The following TAF4B variants were observed in gnomAD, a reference collection of about 807,000 sequenced individuals.
TAF4B encodes the protein transcription initiation factor TFIID subunit 4B.
Under a neutral mutation model 86.4 loss-of-function variants are expected in TAF4B, and 38 were observed. The ratio of observed to expected loss-of-function variants is 0.44; its 90% CI spans 0.34 to 0.58. TAF4B has a LOEUF of 0.58. Ranked by LOEUF, TAF4B falls within the 20% of genes least tolerant of loss-of-function variation. TAF4B has a pLI of 0.02. For synonymous variants in TAF4B, 388 were observed against 391.2 expected, an observed-to-expected ratio of 0.99 and a Z score of 0.10; for missense variants, 988 against 1,027.6, an observed-to-expected ratio of 0.96 and a Z score of 0.53.
chr18:26,312,266 A>G (rs1047817529), intron 9 of TAF4B, among the ~76,000 whole-genome samples: 2 of 152,200 alleles, frequency 1.3e-5, no homozygotes, highest in African/African-American at 4.8e-5. Flanking sequence ...CTGACCTCTT[A>G]TCTAGCCTTA....
intron 1 of TAF4B, among the ~76,000 whole-genome samples, chr18:26,229,955 TAAA>T (rs77834289): frequency 6.7e-5 from 10 of 149,036 alleles, no homozygotes; most frequent in African/African-American, 2.2e-4. Context: ...AGAACTGGTT[TAAA>T]AAAAAAATAT....
chr18:26,389,537 G>A (rs1317460799), intron 14 of TAF4B, among the ~76,000 whole-genome samples: 2 of 152,216 alleles, frequency 1.3e-5, no homozygotes, highest in Admixed American at 1.3e-4. Context: ...GACCTTTAAA[G>A]AGGGAAAGTC....
chr18:26,363,610 G>A (rs1381758971), intron 14 of TAF4B, among the ~76,000 whole-genome samples: 1 of 151,966 alleles, frequency 6.6e-6, no homozygotes, highest in Non-Finnish European at 1.5e-5. Flanking sequence ...TCAATGTTTA[G>A]GTATACTGCT....
At position 26,304,727 on chromosome 18, in the gene TAF4B, G is replaced by A. The variant is rs918014088; in HGVS notation, c.1833-10502G>A. 11 of 985,238 alleles carry A rather than the reference G, an allele frequency of 1.1e-5. No homozygotes were observed. The African/African-American group carries it at 1.6e-4, about 14-fold the overall frequency. The allele number at this position is 985,238 out of a possible 1,614,324, so 61.0% of individuals were successfully genotyped here. ...GCCCTTGAGGCAATTCTTCCTTTAG[G>A]ATATGCTTATTGCTGATTTTTACTG... On this transcript the variant is annotated intron_variant, in intron 9 of 14. Coordinates refer to ENST00000269142, the MANE Select transcript of TAF4B (RefSeq NM_005640.3).
At chr18:26,386,609 CT>C (rs199952139) in intron 14 of TAF4B, among the ~76,000 whole-genome samples, 1 of 152,000 alleles carries the variant, frequency 6.6e-6, no homozygotes, top group Non-Finnish European at 1.5e-5. Context: ...ACTCTCCTGA[CT>C]TTTTTTTAGC....
intron 14 of TAF4B, among the ~76,000 whole-genome samples, chr18:26,381,713 G>A (rs1255085030): frequency 2.0e-5 from 3 of 149,310 alleles, no homozygotes; most frequent in African/African-American, 5.0e-5. Context: ...GGCAATGAGC[G>A]AAACTCCGCC....
At chr18:26,321,919 A>G (rs1290303104) in intron 11 of TAF4B, among the ~76,000 whole-genome samples, 1 of 152,184 alleles carries the variant, frequency 6.6e-6, no homozygotes. Flanking sequence ...TATTAAAAAA[A>G]CTAAATACAG....
intron 3 of TAF4B, among the ~76,000 whole-genome samples, chr18:26,270,962 G>T (rs867632805): frequency 3.9e-5 from 6 of 152,234 alleles, no homozygotes; most frequent in Middle Eastern, 3.4e-3. Context: ...TGATATTTTT[G>T]TGTGGACCAT....
chr18:26,374,834 T>G (rs1244683511), intron 14 of TAF4B, among the ~76,000 whole-genome samples: 2 of 152,206 alleles, frequency 1.3e-5, no homozygotes, highest in African/African-American at 4.8e-5. Context: ...TTCCATGGAA[T>G]ATTGAAGGAA....
chr18:26,309,949 C>T (rs1598786944), intron 9 of TAF4B, among the ~76,000 whole-genome samples: 1 of 152,136 alleles, frequency 6.6e-6, no homozygotes, highest in Non-Finnish European at 1.5e-5. Flanking sequence ...CTCAGCCTCC[C>T]GAGTAGCTGG....
At chr18:26,260,384 A>G (rs1030393860) in intron 1 of TAF4B, among the ~76,000 whole-genome samples, 1 of 152,142 alleles carries the variant, frequency 6.6e-6, no homozygotes, top group East Asian at 1.9e-4. Context: ...GGTATTGCCT[A>G]GGTTTTCTTC....
intron 1 of TAF4B, among the ~76,000 whole-genome samples, chr18:26,229,041 T>C (rs2055622366): frequency 6.6e-6 from 1 of 152,098 alleles, no homozygotes; most frequent in African/African-American, 2.4e-5. Flanking sequence ...GCTATGCTTA[T>C]TTTTTTACTT....
In TAF4B at chr18:26,257,840, TGC is replaced by T. The variant is rs1427862299; in HGVS notation, c.344-7328_344-7327del. Among the ~76,000 whole-genome samples, 10 of 110,964 alleles carry T rather than the reference TGC, an allele frequency of 9.0e-5. No homozygotes were observed. In the East Asian group the frequency reaches 9.3e-4, roughly 10 times the overall value. The allele number at this position is 110,964 out of a possible 152,430, so 72.8% of individuals were successfully genotyped here. On this transcript the variant is annotated intron_variant, in intron 1 of 14. Transcript: ENST00000269142. ...AGTTCATTTCTGGCTTTCCTCTGCG[TGC>T]GTGTGTGTGTGTGTGTGTGTGTGTG...
chr18:26,250,707 G>GT (rs1241745498), intron 1 of TAF4B, among the ~76,000 whole-genome samples: 1 of 152,044 alleles, frequency 6.6e-6, no homozygotes, highest in African/African-American at 2.4e-5. Context: ...TGTGGGTTTA[G>GT]TTTTTGTCTA....
chr18:26,335,829 T>C (rs1003208310), intron 13 of TAF4B, among the ~76,000 whole-genome samples: 6 of 152,238 alleles, frequency 3.9e-5, no homozygotes, highest in African/African-American at 1.2e-4. Context: ...AGTTCATTTA[T>C]GTCTGCAGCC....
chr18:26,297,629 G>A (rs1226458259), intron 9 of TAF4B, among the ~76,000 whole-genome samples: 1 of 151,960 alleles, frequency 6.6e-6, no homozygotes, highest in East Asian at 1.9e-4. Context: ...AGCATAATGT[G>A]TTTTATATAT....
intron 7 of TAF4B, 22 bp downstream of exon 7, chr18:26,286,521 C>T: frequency 1.9e-6 from 3 of 1,559,496 alleles, no homozygotes; most frequent in South Asian, 2.5e-5. Flanking sequence ...TTTGTTTCTT[C>T]CCCAGTTACT....
chr18:26,265,343 T>G, intron 2 of TAF4B, 28 bp downstream of exon 2: 2 of 1,568,708 alleles, frequency 1.3e-6, no homozygotes, highest in East Asian at 2.3e-5. Context: ...TTTTTCATCT[T>G]TCTTTGTTTC....
chr18:26,383,188 A>G (rs1477652134), intron 14 of TAF4B, among the ~76,000 whole-genome samples: 4 of 152,228 alleles, frequency 2.6e-5, no homozygotes, highest in Non-Finnish European at 5.9e-5. Flanking sequence ...CTTGGTTCTT[A>G]TAGGAAAATC....
Sources: allele counts gnomAD v4.1 joint callset (sites outside exome capture counted in the v4.1 genomes callset), GRCh38; gene constraint gnomAD v4.1.1; transcripts MANE v1.5; gene names NCBI Gene and HGNC (gene_info 2026-07-23, HGNC 2026-07-21).